Variants in PKN2 observed in about 807,000 individuals in gnomAD.
PKN2 encodes serine/threonine-protein kinase N2.
In PKN2, 38 loss-of-function variants were observed where a neutral mutation model predicts 119.1. That is an observed-to-expected ratio of 0.32 (90% CI 0.25 to 0.42). The LOEUF (loss-of-function observed/expected upper bound fraction) is 0.42, where lower values mean the gene tolerates loss of function less well. PKN2 is among the 10% of genes least tolerant of loss of function. PKN2 has a pLI of 1.00. For synonymous variants in PKN2, 390 were observed against 384.9 expected (o/e 1.01, Z -0.15); for missense variants, 850 against 1,165.1 (o/e 0.73, Z 3.94).
rs1411634473 is a variant in PKN2 at position 88,834,616 on chromosome 1, A to G, written c.*1168A>G. ...AGCAATATATTGTAACAGAATGTAT[A>G]AATATTTTTGATAAAACAGTCTATA... On this transcript the variant is annotated 3_prime_UTR_variant, in exon 22 of 22. Transcript: ENST00000370521. 2.0e-5 allele frequency: 3 copies of G among 152,504 alleles called. No individual in the cohort carries two copies. The highest frequency in any genetic ancestry group is 6.6e-5 in the Admixed American group (1 of 15,246). 9.4% of individuals were successfully genotyped at this position (152,504 alleles called of 1,614,324 possible).
intron 1 of PKN2, among the ~76,000 whole-genome samples, chr1:88,688,583 GT>G (rs1666206748): frequency 6.6e-6 from 1 of 152,150 alleles, no homozygotes; most frequent in Non-Finnish European, 1.5e-5. Flanking sequence ...ATTTAGCAGT[GT>G]TTTATTATTG....
chr1:88,807,562 T>G lies in PKN2; in HGVS notation c.1968T>G (p.Asp656Glu), dbSNP rs373212914. The change falls in exon 14 of 22, where the codon GAT becomes GAG. Residue 656 changes from aspartate to glutamate, a missense_variant. Around this residue, in one of 9 missense-constraint regions of PKN2, gnomAD observed 216 missense variants for 252.8 expected, o/e 0.85. Transcript: ENST00000370521. ...AAAGGTTTCAGTTTAATCTACAAGA[T>G]TTCAGGTGTTGTGCTGTCTTGGGAA... ...SQQRFQFNLQ[D>E]FRCCAVLGRG... is the part of the protein sequence containing the mutation. The G allele has an allele frequency of 2.1e-5, 34 of 1,612,654 alleles. No homozygotes were observed. The African/African-American group carries it at 4.5e-4, about 22-fold the overall frequency.
intron 2 of PKN2, among the ~76,000 whole-genome samples, chr1:88,741,707 C>T (rs1668584658): frequency 6.6e-6 from 1 of 152,050 alleles, no homozygotes; most frequent in African/African-American, 2.4e-5. Context: ...ATTAGTCAAA[C>T]CTATGGCCTT....
chr1:88,820,229 T>TATATATAC (rs1672211024), intron 16 of PKN2, among the ~76,000 whole-genome samples: 1 of 41,908 alleles, frequency 2.4e-5, no homozygotes, highest in Non-Finnish European at 4.5e-5. Flanking sequence ...TATATATATA[T>TATATATAC]ATATAAATAG....
intron 1 of PKN2, among the ~76,000 whole-genome samples, chr1:88,713,236 C>T (rs1667311756): frequency 6.6e-6 from 1 of 152,116 alleles, no homozygotes; most frequent in Non-Finnish European, 1.5e-5. Context: ...AATAAACATA[C>T]ATGTGCATAT....
chr1:88,797,645 AAAAAAAAG>A (rs1671141050), intron 8 of PKN2, among the ~76,000 whole-genome samples: 1 of 151,664 alleles, frequency 6.6e-6, no homozygotes, highest in African/African-American at 2.4e-5. Flanking sequence ...TCAAAAAAAA[AAAAAAAAG>A]AGAGAGAATG....
intron 12 of PKN2, chr1:88,806,396 C>G (rs1271739527): frequency 9.6e-6 from 2 of 207,572 alleles, no homozygotes; most frequent in African/African-American, 4.7e-5. Context: ...TCTTAAACTC[C>G]TGACCTCGGG....
chr1:88,800,894 A>C (rs1365558240), intron 8 of PKN2, among the ~76,000 whole-genome samples: 1 of 152,184 alleles, frequency 6.6e-6, no homozygotes, highest in East Asian at 1.9e-4. Flanking sequence ...ATAATAAGAC[A>C]AACTGAAACA....
chr1:88,783,312 C>CTG (rs1557608371), intron 6 of PKN2, among the ~76,000 whole-genome samples: 2 of 152,132 alleles, frequency 1.3e-5, no homozygotes, highest in Non-Finnish European at 1.5e-5. Context: ...ACTCTTATTT[C>CTG]TGTCTCTTCA....
At chr1:88,781,202 T>C in intron 6 of PKN2, 2 of 1,244,848 alleles carry the variant, frequency 1.6e-6, no homozygotes, top group Non-Finnish European at 2.1e-6. Flanking sequence ...CTGCATGCTA[T>C]TATTTGTGGT....
chr1:88,781,635 GT>G (rs1172847277), intron 6 of PKN2, among the ~76,000 whole-genome samples: 2 of 152,062 alleles, frequency 1.3e-5, no homozygotes, highest in African/African-American at 4.8e-5. Flanking sequence ...ACTTCTAGAT[GT>G]TTAATAAAGA....
At chr1:88,752,182 A>G (rs1484590637) in intron 2 of PKN2, among the ~76,000 whole-genome samples, 2 of 152,072 alleles carry the variant, frequency 1.3e-5, no homozygotes, top group Non-Finnish European at 2.9e-5. Context: ...AATTTCTTCA[A>G]ATCTATCTCC....
At chr1:88,808,843 G>A (rs1422410019) in intron 15 of PKN2, among the ~76,000 whole-genome samples, 1 of 152,130 alleles carries the variant, frequency 6.6e-6, no homozygotes, top group African/African-American at 2.4e-5. Context: ...CCTGGACTAT[G>A]ACTGAGAAGG....
At chr1:88,774,203 A>G (rs1021972658) in intron 6 of PKN2, among the ~76,000 whole-genome samples, 1 of 152,222 alleles carries the variant, frequency 6.6e-6, no homozygotes, top group African/African-American at 2.4e-5. Context: ...TAACACATCA[A>G]TGTCTGTCAC....
intron 3 of PKN2, among the ~76,000 whole-genome samples, chr1:88,767,541 T>C (rs1177539347): frequency 6.6e-6 from 1 of 152,154 alleles, no homozygotes; most frequent in African/African-American, 2.4e-5. Flanking sequence ...GTATAGCCTA[T>C]TGCACCTAGG....
chr1:88,704,527 A>G (rs1052479747), intron 1 of PKN2, among the ~76,000 whole-genome samples: 3 of 152,222 alleles, frequency 2.0e-5, no homozygotes, highest in Admixed American at 1.3e-4. Context: ...TGGCTAAAAC[A>G]TATAGCAGGT....
At chr1:88,742,413 A>C (rs1054345630) in intron 2 of PKN2, among the ~76,000 whole-genome samples, 1 of 152,128 alleles carries the variant, frequency 6.6e-6, no homozygotes, top group Non-Finnish European at 1.5e-5. Context: ...TAGGGCTTTT[A>C]TTAGGAGGCT....
chr1:88,784,900 T>G lies in PKN2; in HGVS notation c.1171+76T>G, dbSNP rs1277209703. The G allele has an allele frequency of 7.1e-6, 5 of 703,404 alleles. No individual in the cohort carries two copies. The African/African-American group carries it at 9.2e-5, about 13-fold the overall frequency. 43.6% of individuals were successfully genotyped at this position (703,404 alleles called of 1,614,324 possible). A position where few individuals can be genotyped will look rare whatever the true frequency, so the allele number is the denominator to read the frequency against. On this transcript the variant is annotated intron_variant, in intron 7 of 21. Coordinates refer to ENST00000370521, the MANE Select transcript of PKN2 (RefSeq NM_006256.4). ...CAAGGGATTTATGAAGTGTTCAAGT[T>G]GGACAAAACACTTTAAAATTATGGT...
At chr1:88,742,226 G>A (rs1028520145) in intron 2 of PKN2, among the ~76,000 whole-genome samples, 3 of 152,098 alleles carry the variant, frequency 2.0e-5, no homozygotes, top group Admixed American at 2.0e-4. Context: ...TTAGAAGAAC[G>A]TGTGTGATTA....
Sources: allele counts gnomAD v4.1 joint callset (sites outside exome capture counted in the v4.1 genomes callset), GRCh38; gene constraint gnomAD v4.1.1; regional missense constraint gnomAD v4.1.1; transcripts MANE v1.5; gene names NCBI Gene and HGNC (gene_info 2026-07-23, HGNC 2026-07-21).